FAT4: variants seen among roughly 807,000 people sequenced by gnomAD.
FAT4 encodes protocadherin Fat 4.
A neutral mutation model predicts 303.9 loss-of-function variants in FAT4; 84 were observed. The ratio of observed to expected loss-of-function variants is 0.28; its 90% CI spans 0.23 to 0.33. The LOEUF is 0.33. FAT4 is among the 10% of genes least tolerant of loss of function. The pLI is 1.00. For missense variants in FAT4, 6,005 were observed against 6,146.8 expected (o/e 0.98, Z 0.77); for synonymous variants, 2,307 against 2,298.8 (o/e 1.00, Z -0.10).
chr4:125,403,981 A>G (rs925337198), intron 3 of FAT4, among the ~76,000 whole-genome samples: 2 of 152,168 alleles, frequency 1.3e-5, no homozygotes, highest in Non-Finnish European at 2.9e-5. Context: ...TAAAATGGGC[A>G]TTCTAATAGT....
intron 2 of FAT4, among the ~76,000 whole-genome samples, chr4:125,395,977 AGATT>A (rs1278618171): frequency 1.3e-5 from 2 of 152,156 alleles, no homozygotes; most frequent in African/African-American, 4.8e-5. Context: ...TGACAGAGAG[AGATT>A]GATTAATAGT....
Position 125,406,973 on chromosome 4 carries a change from C to A in FAT4, c.5401C>A (p.Arg1801=). 6.2e-7 allele frequency: 1 copy of A among 1,613,780 alleles called. No homozygotes were observed. The highest frequency in any genetic ancestry group is 1.1e-5 in the South Asian group (1 of 91,074). The change falls in exon 4 of 18, where the codon CGG becomes AGG. Residue 1801 remains arginine, a synonymous_variant. Transcript: ENST00000394329. ...PESGDLIATR[R]LDRERRSKYS... is the part of the protein sequence containing the mutation. Reference sequence around the variant, plus strand: ...ATCCGGAGATCTGATAGCAACCAGGCGGTTGGACAGGGAACGCCGCTCCAA... The same window carrying A: ...ATCCGGAGATCTGATAGCAACCAGGAGGTTGGACAGGGAACGCCGCTCCAA...
chr4:125,412,449 GTTAC>G (rs1397818946), intron 5 of FAT4, among the ~76,000 whole-genome samples: 1 of 151,366 alleles, frequency 6.6e-6, no homozygotes, highest in African/African-American at 2.4e-5. Context: ...TTTTAATGTT[GTTAC>G]TTAATATATT....
intron 8 of FAT4, among the ~76,000 whole-genome samples, chr4:125,440,608 TGTGAGA>T (rs1269444807): frequency 1.4e-4 from 8 of 57,326 alleles, no homozygotes; most frequent in Admixed American, 1.0e-3. Flanking sequence ...TGTGTGTGTG[TGTGAGA>T]GAGAGAGAGA....
chr4:125,336,831 T>C (rs1731594994), intron 2 of FAT4, among the ~76,000 whole-genome samples: 1 of 79,840 alleles, frequency 1.3e-5, no homozygotes, highest in Admixed American at 1.3e-4. Context: ...ACTATGACTA[T>C]GAAAACAAAA....
intron 12 of FAT4, among the ~76,000 whole-genome samples, chr4:125,472,284 A>G (rs1362386987): frequency 6.6e-6 from 1 of 152,154 alleles, no homozygotes; most frequent in African/African-American, 2.4e-5. Flanking sequence ...ATATATGACA[A>G]CTTATATAGT....
intron 11 of FAT4, among the ~76,000 whole-genome samples, 168 bp downstream of exon 11, chr4:125,463,835 C>T (rs1726566930): frequency 6.6e-6 from 1 of 151,678 alleles, no homozygotes; most frequent in Admixed American, 6.6e-5. Flanking sequence ...TATGGAAATC[C>T]CATTGAATAC....
At position 125,457,138 on chromosome 4, in the gene FAT4, CA is replaced by C. The variant is rs1412022930; in HGVS notation, c.11800+4329del. On this transcript the variant is annotated intron_variant, in intron 10 of 17. Coordinates refer to ENST00000394329, the MANE Select transcript of FAT4 (RefSeq NM_001291303.3). ...TTTCTCTCATACACACACACACACA[CA>C]CACACACACACACACACCACTGAGT... 4.0e-3 allele frequency among the ~76,000 whole-genome samples: 528 copies of C among 130,738 alleles called. 4 individuals carry two copies. Among genetic ancestry groups the C allele is most frequent in the African/African-American group, 0.013 (501 of 39,390 alleles). 85.8% of individuals were successfully genotyped at this position (130,738 alleles called of 152,430 possible).
At chr4:125,331,123 A>G (rs530473725) in intron 2 of FAT4, among the ~76,000 whole-genome samples, 39 of 151,894 alleles carry the variant, frequency 2.6e-4, no homozygotes, top group African/African-American at 8.2e-4. Flanking sequence ...TTTTCTTATC[A>G]TCACCCGACA....
intron 16 of FAT4, among the ~76,000 whole-genome samples, chr4:125,485,287 A>C (rs1727370332): frequency 6.6e-6 from 1 of 152,172 alleles, no homozygotes; most frequent in East Asian, 1.9e-4. Context: ...ATAAACTTAA[A>C]ATTTTTAACT....
intron 2 of FAT4, among the ~76,000 whole-genome samples, chr4:125,380,241 G>C (rs770382854): frequency 3.3e-5 from 5 of 152,150 alleles, no homozygotes; most frequent in Non-Finnish European, 5.9e-5. Flanking sequence ...CTACTAAAAA[G>C]ATATAAATCG....
chr4:125,387,915 C>CA (rs1733822119), intron 2 of FAT4, among the ~76,000 whole-genome samples: 1 of 152,252 alleles, frequency 6.6e-6, no homozygotes, highest in Non-Finnish European at 1.5e-5. Flanking sequence ...TAAAGAGCCA[C>CA]AAAAATCTCA....
intron 2 of FAT4, among the ~76,000 whole-genome samples, chr4:125,360,655 CCTATG>C (rs1334749123): frequency 6.6e-6 from 1 of 152,078 alleles, no homozygotes; most frequent in Admixed American, 6.6e-5. Context: ...TTACAATAAA[CCTATG>C]CTATTTGTAC....
intron 14 of FAT4, among the ~76,000 whole-genome samples, chr4:125,478,766 T>A (rs572094138): frequency 2.0e-5 from 3 of 152,060 alleles, no homozygotes; most frequent in Non-Finnish European, 2.9e-5. Flanking sequence ...CCTGACCTCA[T>A]GATCCACCAC....
chr4:125,441,448 T>C (rs1257626010), intron 8 of FAT4, among the ~76,000 whole-genome samples: 1 of 152,190 alleles, frequency 6.6e-6, no homozygotes, highest in Non-Finnish European at 1.5e-5. Context: ...GGGTTAGGAA[T>C]GGACTTTGTA....
chr4:125,365,878 G>A (rs1041667662), intron 2 of FAT4, among the ~76,000 whole-genome samples: 1 of 152,178 alleles, frequency 6.6e-6, no homozygotes, highest in Admixed American at 6.5e-5. Context: ...CGGGGCCACT[G>A]ACCAGTACGG....
intron 2 of FAT4, among the ~76,000 whole-genome samples, chr4:125,363,508 T>TA (rs1199215186): frequency 7.2e-5 from 11 of 151,788 alleles, no homozygotes; most frequent in South Asian, 2.1e-4. Flanking sequence ...TATATATATA[T>TA]TTTTTTGAGA....
chr4:125,321,687 G>A, intron 2 of FAT4, 101 bp downstream of exon 2: 2 of 1,202,554 alleles, frequency 1.7e-6, no homozygotes, highest in Non-Finnish European at 2.2e-6. Context: ...ATTGTTTATT[G>A]TTAAATTTGT....
At chr4:125,356,266 T>C (rs1416863161) in intron 2 of FAT4, among the ~76,000 whole-genome samples, 1 of 152,020 alleles carries the variant, frequency 6.6e-6, no homozygotes, top group African/African-American at 2.4e-5. Flanking sequence ...GTCTTAAAGT[T>C]GGATGTATGA....
Sources: allele counts gnomAD v4.1 joint callset (sites outside exome capture counted in the v4.1 genomes callset), GRCh38; gene constraint gnomAD v4.1.1; transcripts MANE v1.5; gene names NCBI Gene and HGNC (gene_info 2026-07-23, HGNC 2026-07-21).